PCLO: variants seen among roughly 807,000 people sequenced by gnomAD.
The protein encoded by PCLO is piccolo presynaptic cytomatrix protein.
PCLO carries 82 observed loss-of-function variants against 427.5 expected under a neutral mutation model. The ratio of observed to expected loss-of-function variants is 0.19; its 90% CI spans 0.16 to 0.23. PCLO has a LOEUF of 0.23. PCLO is among the 10% of genes least tolerant of loss of function. The pLI is 1.00. For synonymous variants in PCLO, 2,357 were observed against 2,155.4 expected (o/e 1.09, Z -2.59); for missense variants, 6,239 against 6,115.9 (o/e 1.02, Z -0.67).
At chr7:82,970,366 G>A (rs1037487342) in intron 3 of PCLO, among the ~76,000 whole-genome samples, 7 of 151,816 alleles carry the variant, frequency 4.6e-5, no homozygotes, top group East Asian at 1.9e-4. Context: ...AGATCAGGCC[G>A]GCAGAATGTG....
chr7:83,054,547 A>T (rs1319639791), intron 3 of PCLO, among the ~76,000 whole-genome samples: 1 of 152,082 alleles, frequency 6.6e-6, no homozygotes, highest in Admixed American at 6.6e-5. Flanking sequence ...TAAAATTATA[A>T]AGATATTAAT....
At chr7:83,010,559 GTATA>G (rs1788052606) in intron 3 of PCLO, among the ~76,000 whole-genome samples, 1 of 150,136 alleles carries the variant, frequency 6.7e-6, no homozygotes, top group Non-Finnish European at 1.5e-5. Context: ...ACAAATAATT[GTATA>G]TATGTAAGTA....
chr7:82,816,909 A>G (rs989683635), intron 20 of PCLO, among the ~76,000 whole-genome samples: 8 of 152,158 alleles, frequency 5.3e-5, no homozygotes, highest in Non-Finnish European at 1.2e-4. Context: ...TCCATAAACA[A>G]GAGATAGTGT....
At chr7:82,923,712 T>G (rs1234330743) in intron 6 of PCLO, among the ~76,000 whole-genome samples, 2 of 152,070 alleles carry the variant, frequency 1.3e-5, no homozygotes, top group East Asian at 1.9e-4. Flanking sequence ...AGCAGAACAT[T>G]TAATGTTTTC....
chr7:82,922,892 C>T (rs564446554), intron 6 of PCLO, among the ~76,000 whole-genome samples: 1 of 152,078 alleles, frequency 6.6e-6, no homozygotes, highest in African/African-American at 2.4e-5. Context: ...GAAAGCCATA[C>T]CTACTGTCAG....
chr7:82,862,322 G>T (rs560581358), intron 10 of PCLO, among the ~76,000 whole-genome samples: 1 of 152,060 alleles, frequency 6.6e-6, no homozygotes, highest in South Asian at 2.1e-4. Context: ...AGGATGTGGA[G>T]AAAAGAGAAC....
At chr7:82,899,195 C>G (rs1793980562) in intron 9 of PCLO, among the ~76,000 whole-genome samples, 1 of 151,242 alleles carries the variant, frequency 6.6e-6, no homozygotes, top group Non-Finnish European at 1.5e-5. Flanking sequence ...TCAATTAAAA[C>G]ATTAACATAT....
intron 6 of PCLO, among the ~76,000 whole-genome samples, chr7:82,947,876 A>G (rs1426814066): frequency 6.6e-6 from 1 of 152,124 alleles, no homozygotes; most frequent in African/African-American, 2.4e-5. Flanking sequence ...GTGAGGAAAA[A>G]AATATTGATA....
At chr7:82,987,640 A>C (rs1254635458) in intron 3 of PCLO, among the ~76,000 whole-genome samples, 1 of 152,124 alleles carries the variant, frequency 6.6e-6, no homozygotes, top group African/African-American at 2.4e-5. Context: ...CTTGATCTAA[A>C]AAAAAGCTTC....
At chr7:83,043,481 T>C (rs1039198300) in intron 3 of PCLO, among the ~76,000 whole-genome samples, 10 of 152,330 alleles carry the variant, frequency 6.6e-5, no homozygotes, top group African/African-American at 1.2e-4. Flanking sequence ...GAAAATGTAT[T>C]GGATATTTGA....
chr7:83,003,705 G>A (rs1044411521), intron 3 of PCLO, among the ~76,000 whole-genome samples: 28 of 151,714 alleles, frequency 1.8e-4, no homozygotes, highest in African/African-American at 6.3e-4. Flanking sequence ...CCTTAAGTAT[G>A]CTGCTTGATC....
Position 82,805,677 on chromosome 7 carries a change from G to A in PCLO, c.14933+11C>T. The A allele has an allele frequency of 6.2e-7, 1 of 1,611,506 alleles. No homozygotes were observed. The highest frequency in any genetic ancestry group is 1.7e-4 in the Middle Eastern group (1 of 6,054). ...AGTAAGCTTTGTAGTAACAAAAAGA[G>A]ACCCACTTACATCCTCGGAATAGGA... is the stretch of plus-strand genomic sequence containing the variant. On this transcript the variant is annotated intron_variant, in intron 21 of 24. Coordinates refer to ENST00000333891, the MANE Select transcript of PCLO (RefSeq NM_033026.6).
At position 83,155,772 on chromosome 7, in the gene PCLO, C is replaced by T; in HGVS notation, c.869G>A (p.Arg290Lys). The T allele has an allele frequency of 6.2e-7, 1 of 1,613,924 alleles. No individual in the cohort carries two copies. The highest frequency in any genetic ancestry group is 8.5e-7 in the Non-Finnish European group (1 of 1,179,846). The change falls in exon 2 of 25, where the codon AGG (arginine) becomes AAG (lysine). Residue 290 changes from arginine (R) to lysine (K), a missense_variant. Physicochemically the swap from Arg to Lys is conservative, Grantham distance 26. Coordinates refer to ENST00000333891, the MANE Select transcript of PCLO (RefSeq NM_033026.6). ...RPQTKQADIV[R>K]GESVKPSLPS... is the part of the protein sequence containing the mutation. ...CAGTGAGGGTTTAACTGATTCTCCC[C>T]TTACTATGTCTGCCTGTTTAGTCTG...
At chr7:82,901,306 C>A (rs1047130665) in intron 9 of PCLO, among the ~76,000 whole-genome samples, 2 of 151,796 alleles carry the variant, frequency 1.3e-5, no homozygotes, top group Non-Finnish European at 2.9e-5. Flanking sequence ...CATGAGTCAT[C>A]TAAAATGAAA....
chr7:82,860,072 A>G (rs1792914420), intron 10 of PCLO, among the ~76,000 whole-genome samples: 5 of 152,230 alleles, frequency 3.3e-5, no homozygotes, highest in African/African-American at 9.6e-5. Flanking sequence ...CACCTACAGG[A>G]TCTAGGAAAC....
At chr7:82,821,426 A>G (rs1303789575) in intron 20 of PCLO, 2 of 985,568 alleles carry the variant, frequency 2.0e-6, no homozygotes, top group South Asian at 4.7e-5. Context: ...TGCCAAAATG[A>G]CACCACATGC....
At chr7:83,128,797 G>A (rs1246641879) in intron 3 of PCLO, among the ~76,000 whole-genome samples, 1 of 152,082 alleles carries the variant, frequency 6.6e-6, no homozygotes, top group Non-Finnish European at 1.5e-5. Context: ...TAAATCATTT[G>A]AACATTGAAC....
chr7:82,776,507 A>G (rs951823318), intron 22 of PCLO, among the ~76,000 whole-genome samples: 3 of 152,062 alleles, frequency 2.0e-5, no homozygotes, highest in Non-Finnish European at 4.4e-5. Context: ...TAAAATGTAA[A>G]ATCTGGGCTG....
intron 10 of PCLO, among the ~76,000 whole-genome samples, chr7:82,852,062 G>C (rs926020073): frequency 6.6e-6 from 1 of 151,882 alleles, no homozygotes; most frequent in Admixed American, 6.6e-5. Flanking sequence ...AGAAAGGAAG[G>C]AGTAAAAAGA....
Sources: allele counts gnomAD v4.1 joint callset (sites outside exome capture counted in the v4.1 genomes callset), GRCh38; gene constraint gnomAD v4.1.1; transcripts MANE v1.5; gene names NCBI Gene and HGNC (gene_info 2026-07-23, HGNC 2026-07-21).